FBXO46: variants seen among roughly 807,000 people sequenced by gnomAD.
FBXO46 encodes F-box protein 46.
A neutral mutation model predicts 30.7 loss-of-function variants in FBXO46; 13 were observed. The observed-to-expected ratio is 0.42, with a 90% CI of 0.28 to 0.67. FBXO46 has a LOEUF of 0.67. FBXO46 is among the 30% of genes least tolerant of loss of function. The pLI is 0.21. For synonymous variants in FBXO46, 467 were observed against 385.8 expected, an observed-to-expected ratio of 1.21 and a Z score of -2.47; for missense variants, 754 against 871.5, an observed-to-expected ratio of 0.87 and a Z score of 1.70.
At chr19:45,729,945 C>T (rs1189054290) in intron 1 of FBXO46, among the ~76,000 whole-genome samples, 1 of 152,108 alleles carries the variant, frequency 6.6e-6, no homozygotes, top group African/African-American at 2.4e-5. Context: ...ATTCCGGGGG[C>T]GGAGAACTTC....
At chr19:45,732,868 A>C (rs1380952764), upstream of FBXO46, among the ~76,000 whole-genome samples, 1 of 151,690 alleles carries the variant, frequency 6.6e-6, no homozygotes, top group Non-Finnish European at 1.5e-5. Context: ...GCCCAATTCA[A>C]ATGGCCCTCC....
upstream of FBXO46, among the ~76,000 whole-genome samples, chr19:45,731,918 C>A (rs1216372327): frequency 6.6e-6 from 1 of 151,610 alleles, no homozygotes; most frequent in Non-Finnish European, 1.5e-5. Context: ...GAGATCAAGA[C>A]CATCCTGGCT....
chr19:45,717,276 C>G (rs956822733), intron 1 of FBXO46: 5 of 152,290 alleles, frequency 3.3e-5, no homozygotes, highest in East Asian at 1.9e-4. Context: ...CGCAGCCCCC[C>G]CAGGCGGCGG....
At chr19:45,729,003 C>T (rs1344496896) in intron 1 of FBXO46, among the ~76,000 whole-genome samples, 5 of 151,822 alleles carry the variant, frequency 3.3e-5, no homozygotes, top group Non-Finnish European at 5.9e-5. Flanking sequence ...CTCAGCTACT[C>T]GGGAGGCTGA....
At chr19:45,726,006 G>A (rs1968234771) in intron 1 of FBXO46, among the ~76,000 whole-genome samples, 1 of 151,992 alleles carries the variant, frequency 6.6e-6, no homozygotes, top group Admixed American at 6.6e-5. Context: ...AGAGGTGCTG[G>A]GACTATAGGC....
chr19:45,721,249 G>A (rs1968166343), intron 1 of FBXO46, among the ~76,000 whole-genome samples: 2 of 150,944 alleles, frequency 1.3e-5, no homozygotes, highest in Admixed American at 1.3e-4. Flanking sequence ...GGAGGCTGAA[G>A]TGGGAGGATC....
chr19:45,725,459 G>A (rs1361412389), intron 1 of FBXO46, among the ~76,000 whole-genome samples: 1 of 151,940 alleles, frequency 6.6e-6, no homozygotes, highest in Non-Finnish European at 1.5e-5. Context: ...ACACTTGTGG[G>A]CCAGGTGCGG....
At chr19:45,714,102 C>T (rs747628661) in intron 1 of FBXO46, among the ~76,000 whole-genome samples, 20 of 152,102 alleles carry the variant, frequency 1.3e-4, no homozygotes, top group African/African-American at 1.9e-4. Flanking sequence ...ACGCACCAAC[C>T]CCATAGGTCC....
Position 45,711,562 on chromosome 19 carries a change from C to T in FBXO46, c.*122G>A. ...CCCCTGCTGAACCCCAGCTCAGTTC[C>T]GGTGAGGGATCAATGCTGCCTGGAG... On this transcript the variant is annotated 3_prime_UTR_variant, in exon 2 of 2. Coordinates refer to ENST00000317683, the MANE Select transcript of FBXO46 (RefSeq NM_001080469.2). The T allele has an allele frequency of 2.5e-6, 2 of 806,056 alleles. No homozygotes were observed. The highest frequency in any genetic ancestry group is 2.1e-6 in the Non-Finnish European group (1 of 480,374). The allele number at this position is 806,056 out of a possible 1,614,324, so 49.9% of individuals were successfully genotyped here.
At position 45,711,641 on chromosome 19, in the gene FBXO46, G is replaced by T; in HGVS notation, c.*43C>A. The T allele has an allele frequency of 7.0e-7, 1 of 1,436,470 alleles. No individual in the cohort carries two copies. The highest frequency in any genetic ancestry group is 9.5e-7 in the Non-Finnish European group (1 of 1,056,710). 89.0% of individuals were successfully genotyped at this position (1,436,470 alleles called of 1,614,324 possible). The stretch of plus-strand genomic sequence containing the variant: ...GACCCTCGGCTCCCGGGGGGAGAGG[G>T]GAGGGGTGGGCGTGGTGGGCTCTCC... On this transcript the variant is annotated 3_prime_UTR_variant, in exon 2 of 2. Coordinates refer to ENST00000317683, the MANE Select transcript of FBXO46 (RefSeq NM_001080469.2).
chr19:45,713,488 C>T lies in FBXO46; in HGVS notation c.8G>A (p.Arg3His), dbSNP rs1968035641. 2 of 1,564,454 alleles carry T rather than the reference C, an allele frequency of 1.3e-6. No homozygotes were observed. Among genetic ancestry groups the T allele is most frequent in the East Asian group, 2.3e-5 (1 of 44,250 alleles). The change falls in exon 2 of 2, where the codon CGT becomes CAT. Residue 3 changes from arginine (R) to histidine (H), a missense_variant. Coordinates refer to ENST00000317683, the MANE Select transcript of FBXO46 (RefSeq NM_001080469.2). The surrounding 1 kb of genome is among the most constrained non-coding windows in gnomAD (Gnocchi z 4.7). ...TAGCTGGAAGGGCAGGAGGCTCCCA[C>T]GGTCCATGCTGGGGGATGATGGCAG... MD[R>H]GSLLPFQLWC...
intron 1 of FBXO46, among the ~76,000 whole-genome samples, chr19:45,727,440 C>G (rs1202692731): frequency 6.6e-6 from 1 of 151,882 alleles, no homozygotes; most frequent in East Asian, 1.9e-4. Context: ...AGCCTGTAAT[C>G]TCAGCTACGC....
upstream of FBXO46, among the ~76,000 whole-genome samples, chr19:45,732,912 C>T (rs943761012): frequency 6.6e-6 from 1 of 151,902 alleles, no homozygotes; most frequent in Non-Finnish European, 1.5e-5. Flanking sequence ...TTGTTCTCTG[C>T]ATTAACCGAG....
Position 45,713,439 on chromosome 19 carries a change from G to T in FBXO46, c.57C>A (p.Thr19=), listed in dbSNP as rs1408840796. 2 of 1,599,714 alleles carry T rather than the reference G, an allele frequency of 1.3e-6. No individual in the cohort carries two copies. The highest frequency in any genetic ancestry group is 1.7e-6 in the Non-Finnish European group (2 of 1,169,632). The change falls in exon 2 of 2, where the codon ACC becomes ACA. Residue 19 remains threonine, a synonymous_variant. Coordinates refer to ENST00000317683, the MANE Select transcript of FBXO46 (RefSeq NM_001080469.2). This position sits in a 1 kb window ranked among gnomAD's most constrained non-coding sequence, Gnocchi z 4.7. ...FQLWCPRPFG[T]YSQNQPRPPS... ...GCGGGCGTGGCTGGTTCTGTGAGTA[G>T]GTGCCAAAGGGCCGGGGGCACCATA...
chr19:45,712,514 C>T lies in FBXO46; in HGVS notation c.982G>A (p.Ala328Thr), dbSNP rs1445969222. The T allele has an allele frequency of 6.2e-7, 1 of 1,602,584 alleles. No homozygotes were observed. Among genetic ancestry groups the T allele is most frequent in the Admixed American group, 1.7e-5 (1 of 58,826 alleles). Residue 328 changes from alanine (A) to threonine (T), a missense_variant, in exon 2 of 2, where the codon GCC (alanine) becomes ACC (threonine). Around this residue, in one of 5 missense-constraint regions of FBXO46, gnomAD observed 454 missense variants for 426.5 expected, o/e 1.06. Coordinates refer to ENST00000317683, the MANE Select transcript of FBXO46 (RefSeq NM_001080469.2). The surrounding 1 kb of genome is among the most constrained non-coding windows in gnomAD (Gnocchi z 8.8). ...ALPSNVEFLL[A>T]RADEASEGDS... is the part of the protein sequence containing the mutation. ...CCCTCACTGGCCTCATCCGCCCTGG[C>T]CAGCAGGAACTCCACGTTGCTGGGG... is the stretch of plus-strand genomic sequence containing the variant.
At chr19:45,731,274 C>T (rs1460015734), upstream of FBXO46, among the ~76,000 whole-genome samples, 1 of 151,224 alleles carries the variant, frequency 6.6e-6, no homozygotes, top group South Asian at 2.1e-4. Context: ...CAATAGCTAA[C>T]AGCTCCTTGT....
chr19:45,715,480 CA>C (rs1193428115), intron 1 of FBXO46: 1 of 152,098 alleles, frequency 6.6e-6, no homozygotes, highest in Admixed American at 6.5e-5. Context: ...AAAAGTTTGC[CA>C]ACTCCTGCAG....
chr19:45,711,994 T>C lies in FBXO46; in HGVS notation c.1502A>G (p.His501Arg). ...CGCCTCGATGATGCCCTTGAAGTGG[T>C]GGCAGGTGCACTTGAGGGCGGCCAG... The part of the protein sequence containing the change: ...RALAALKCTC[H>R]HFKGIIEAFG... The change falls in exon 2 of 2, where the codon CAC becomes CGC. Residue 501 changes from histidine (H) to arginine (R), a missense_variant. By Grantham distance (29) the His-to-Arg change is conservative (BLOSUM62 0). Around this residue, in one of 5 missense-constraint regions of FBXO46, gnomAD observed 162 missense variants for 258.7 expected, o/e 0.63. Transcript: ENST00000317683. 1 of 1,612,796 alleles carries C rather than the reference T, an allele frequency of 6.2e-7. No individual in the cohort carries two copies. Among genetic ancestry groups the C allele is most frequent in the Non-Finnish European group, 8.5e-7 (1 of 1,179,706 alleles).
At chr19:45,726,111 A>G (rs1968236440) in intron 1 of FBXO46, among the ~76,000 whole-genome samples, 1 of 152,062 alleles carries the variant, frequency 6.6e-6, no homozygotes. Flanking sequence ...GAAGGCCAAG[A>G]CGGGCGGATC....
Sources: allele counts gnomAD v4.1 joint callset (sites outside exome capture counted in the v4.1 genomes callset), GRCh38; gene constraint gnomAD v4.1.1; regional missense constraint gnomAD v4.1.1; non-coding constraint Gnocchi (gnomAD v3.1); transcripts MANE v1.5; gene names NCBI Gene and HGNC (gene_info 2026-07-23, HGNC 2026-07-21).